The following ZCWPW2 variants were observed in gnomAD, a reference collection of about 807,000 sequenced individuals.
ZCWPW2 encodes the protein zinc finger CW-type and PWWP domain containing 2.
Under a neutral mutation model 46.6 loss-of-function variants are expected in ZCWPW2, and 45 were observed. The observed-to-expected ratio is 0.96, with a 90% CI of 0.76 to 1.24. The LOEUF (loss-of-function observed/expected upper bound fraction) is 1.24, where lower values mean the gene tolerates loss of function less well. Among genes scored for constraint, ZCWPW2 ranks in the 50% most tolerant of loss-of-function variants. The pLI is 0.00. For missense variants in ZCWPW2, 429 were observed against 403.9 expected (o/e 1.06, Z -0.53); for synonymous variants, 152 against 137.1 (o/e 1.11, Z -0.76).
intron 6 of ZCWPW2, among the ~76,000 whole-genome samples, chr3:28,507,806 T>C (rs573298915): frequency 6.6e-6 from 1 of 152,324 alleles, no homozygotes; most frequent in Admixed American, 6.5e-5. Context: ...TGAATTATCC[T>C]ATTCACTATA....
At chr3:28,451,436 G>A (rs1201866086) in intron 4 of ZCWPW2, among the ~76,000 whole-genome samples, 1 of 152,106 alleles carries the variant, frequency 6.6e-6, no homozygotes, top group Non-Finnish European at 1.5e-5. Flanking sequence ...ATATGCATAA[G>A]CAGTGACCTA....
In ZCWPW2 at chr3:28,349,003, C is replaced by T. The variant is rs1270262721; in HGVS notation, c.-334C>T. On this transcript the variant is annotated 5_prime_UTR_variant, in exon 1 of 10. Coordinates refer to ENST00000383768, the MANE Select transcript of ZCWPW2 (RefSeq NM_001040432.4). Reference sequence around the variant, plus strand: ...AGCCGGAAAAGGGGCTGCCGCTGTCCGCGGGCTCGGCGCCAGGGACGCGCG... The same window carrying T: ...AGCCGGAAAAGGGGCTGCCGCTGTCTGCGGGCTCGGCGCCAGGGACGCGCG... 7.1e-6 allele frequency: 7 copies of T among 985,816 alleles called. No individual in the cohort carries two copies. In the African/African-American group the frequency reaches 8.7e-5, roughly 12 times the overall value. The allele number at this position is 985,816 out of a possible 1,614,324, so 61.1% of individuals were successfully genotyped here.
intron 1 of ZCWPW2, among the ~76,000 whole-genome samples, chr3:28,355,009 C>A (rs555765832): frequency 6.8e-6 from 1 of 147,768 alleles, no homozygotes; most frequent in East Asian, 2.0e-4. Context: ...CCAGGGTAAT[C>A]AGGCAGGAGA....
At position 28,476,617 on chromosome 3, in the gene ZCWPW2, G is replaced by A. The variant is rs138479147; in HGVS notation, c.493-2197G>A. Among the ~76,000 whole-genome samples, 252 of 152,236 alleles carry A rather than the reference G, an allele frequency of 1.7e-3. 1 individual carries two copies. Among genetic ancestry groups the A allele is most frequent in the Non-Finnish European group, 2.7e-3 (185 of 68,024 alleles). On this transcript the variant is annotated intron_variant, in intron 4 of 9. Coordinates refer to ENST00000383768, the MANE Select transcript of ZCWPW2 (RefSeq NM_001040432.4). Reference sequence around the variant, plus strand: ...GAAGACAATTTTTCCATGGACTGGGGGAAGGAAAGGGGATGGTTTTGGGAT... The same window carrying A: ...GAAGACAATTTTTCCATGGACTGGGAGAAGGAAAGGGGATGGTTTTGGGAT...
At chr3:28,373,453 G>GTT (rs201416870) in intron 1 of ZCWPW2, among the ~76,000 whole-genome samples, 8 of 150,260 alleles carry the variant, frequency 5.3e-5, no homozygotes, top group African/African-American at 2.0e-4. Context: ...TTTGTATGTT[G>GTT]TTTTTTTTTG....
chr3:28,494,982 T>C (rs1559528685), intron 6 of ZCWPW2, among the ~76,000 whole-genome samples: 1 of 151,814 alleles, frequency 6.6e-6, no homozygotes, highest in African/African-American at 2.4e-5. Context: ...AGATTCAATA[T>C]TGTGAAAATG....
At chr3:28,349,882 C>G (rs900699211) in intron 1 of ZCWPW2, among the ~76,000 whole-genome samples, 1 of 152,122 alleles carries the variant, frequency 6.6e-6, no homozygotes, top group Admixed American at 6.5e-5. Context: ...GGATTTCACT[C>G]AAGGGTTTAT....
At chr3:28,413,009 T>C in intron 2 of ZCWPW2, 47 bp from the exon 3 acceptor site, 4 of 1,475,628 alleles carry the variant, frequency 2.7e-6, no homozygotes, top group South Asian at 1.3e-5. Flanking sequence ...TCTCTCCTTA[T>C]ACTCTTGAAT....
intron 1 of ZCWPW2, among the ~76,000 whole-genome samples, chr3:28,351,387 T>C (rs1180291705): frequency 6.6e-6 from 1 of 151,322 alleles, no homozygotes; most frequent in Non-Finnish European, 1.5e-5. Flanking sequence ...CGAGACTGGG[T>C]TCCCTTTTTC....
intron 6 of ZCWPW2, among the ~76,000 whole-genome samples, chr3:28,500,940 T>C (rs1700125627): frequency 6.6e-6 from 1 of 152,182 alleles, no homozygotes; most frequent in Admixed American, 6.6e-5. Context: ...AATTTCCTTT[T>C]GTATTCTACT....
At chr3:28,502,506 T>C (rs765354495) in intron 6 of ZCWPW2, among the ~76,000 whole-genome samples, 4 of 152,058 alleles carry the variant, frequency 2.6e-5, no homozygotes, top group South Asian at 2.1e-4. Flanking sequence ...AAATGGCCAG[T>C]GGGAGTGGGA....
At chr3:28,355,140 G>A (rs1210044510) in intron 1 of ZCWPW2, among the ~76,000 whole-genome samples, 1 of 152,168 alleles carries the variant, frequency 6.6e-6, no homozygotes, top group East Asian at 1.9e-4. Flanking sequence ...AAGCTGATAG[G>A]CAACTTCAGC....
intron 6 of ZCWPW2, among the ~76,000 whole-genome samples, chr3:28,496,693 T>C (rs1053294990): frequency 6.6e-6 from 1 of 151,922 alleles, no homozygotes; most frequent in Admixed American, 6.6e-5. Flanking sequence ...TATAGATGTA[T>C]AAAAGAAAGC....
chr3:28,433,649 G>A (rs1483903380), intron 3 of ZCWPW2, among the ~76,000 whole-genome samples: 3 of 151,772 alleles, frequency 2.0e-5, no homozygotes, highest in East Asian at 1.9e-4. Context: ...CCAGTTACTC[G>A]GGAGACTGAG....
chr3:28,498,660 T>A (rs927540760), intron 6 of ZCWPW2, among the ~76,000 whole-genome samples: 10 of 152,054 alleles, frequency 6.6e-5, no homozygotes, highest in African/African-American at 1.9e-4. Context: ...CCTTTTTTTT[T>A]TTATTATACT....
rs200895598 is a variant in ZCWPW2 at position 28,515,611 on chromosome 3, G to A, written c.774G>A (p.Lys258=). ...ENVYSDDALS[K]ENRVVCETEV... Reference sequence around the variant, plus strand: ...TTTATTCTGATGATGCCTTATCAAAGGAGAACAGGGGTATGTGAAAGCCTG... The same window carrying A: ...TTTATTCTGATGATGCCTTATCAAAAGAGAACAGGGGTATGTGAAAGCCTG... Residue 258 remains lysine, a synonymous_variant, in exon 8 of 10, where the codon AAG becomes AAA. Coordinates refer to ENST00000383768, the MANE Select transcript of ZCWPW2 (RefSeq NM_001040432.4). 1.2e-6 allele frequency: 2 copies of A among 1,603,896 alleles called. No individual in the cohort carries two copies. Among genetic ancestry groups the A allele is most frequent in the African/African-American group, 3.0e-5 (2 of 67,784 alleles).
chr3:28,478,924 A>G lies in ZCWPW2; in HGVS notation c.603A>G (p.Lys201=). ...GACTGGAAATGTGCTGCCTATCAAAACTACAAGGTGTATAAATATTTTTTC... is the reference window on the plus strand; with the variant it reads ...GACTGGAAATGTGCTGCCTATCAAAGCTACAAGGTGTATAAATATTTTTTC... The part of the protein sequence containing the change: ...EQRLEMCCLS[K]LQDKSETHDK... The change falls in exon 5 of 10, where the codon AAA becomes AAG. Residue 201 remains lysine (K), a synonymous_variant. Transcript: ENST00000383768. 1 of 1,563,550 alleles carries G rather than the reference A, an allele frequency of 6.4e-7. No homozygotes were observed. The highest frequency in any genetic ancestry group is 8.6e-7 in the Non-Finnish European group (1 of 1,156,396).
intron 2 of ZCWPW2, among the ~76,000 whole-genome samples, chr3:28,400,111 T>C (rs1695863490): frequency 6.6e-6 from 1 of 151,936 alleles, no homozygotes; most frequent in Admixed American, 6.6e-5. Flanking sequence ...CAGGAAACAG[T>C]GGACACACTT....
At chr3:28,443,617 G>A (rs1351229595) in intron 4 of ZCWPW2, among the ~76,000 whole-genome samples, 1 of 152,168 alleles carries the variant, frequency 6.6e-6, no homozygotes, top group Non-Finnish European at 1.5e-5. Flanking sequence ...CTTTGCTTCT[G>A]CTGTCCATTA....
Sources: gnomAD v4.1 joint callset for allele counts (sites outside exome capture counted in the v4.1 genomes callset) on GRCh38, gnomAD v4.1.1 for gene constraint, MANE v1.5 for transcripts, NCBI Gene and HGNC (gene_info 2026-07-23, HGNC 2026-07-21) for gene names.